The following KLHL1 variants were observed in gnomAD, a reference collection of about 807,000 sequenced individuals.
KLHL1 encodes the protein kelch-like protein 1.
KLHL1 carries 47 observed loss-of-function variants against 77.7 expected under a neutral mutation model. The ratio of observed to expected loss-of-function variants is 0.60; its 90% confidence interval spans 0.48 to 0.77. The LOEUF is 0.77. KLHL1 is among the 30% of genes least tolerant of loss of function. KLHL1 has a pLI of 0.00. For synonymous variants in KLHL1, 360 were observed against 325.2 expected (o/e 1.11, Z -1.15); for missense variants, 925 against 910.8 (o/e 1.02, Z -0.20).
intron 8 of KLHL1, among the ~76,000 whole-genome samples, chr13:69,733,621 T>C (rs1275388455): frequency 1.3e-5 from 2 of 152,176 alleles, no homozygotes; most frequent in Non-Finnish European, 2.9e-5. Context: ...TTTGATCACA[T>C]CAGTTCTTAG....
At chr13:69,837,129 C>G (rs1879028008) in intron 6 of KLHL1, among the ~76,000 whole-genome samples, 1 of 151,616 alleles carries the variant, frequency 6.6e-6, no homozygotes, top group South Asian at 2.1e-4. Flanking sequence ...ATTATAAATT[C>G]TTATATATTT....
At chr13:69,715,502 A>G (rs1167925487) in intron 9 of KLHL1, among the ~76,000 whole-genome samples, 1 of 134,152 alleles carries the variant, frequency 7.5e-6, no homozygotes, top group Non-Finnish European at 1.6e-5. Context: ...TAAATTACCC[A>G]GTCTAAGGCA....
intron 5 of KLHL1, among the ~76,000 whole-genome samples, chr13:69,841,401 T>C (rs939216908): frequency 6.6e-6 from 1 of 151,722 alleles, no homozygotes; most frequent in Non-Finnish European, 1.5e-5. Context: ...GCAGTGTTTC[T>C]TGTTTCTATA....
At chr13:70,066,751 C>A (rs901513670) in intron 1 of KLHL1, among the ~76,000 whole-genome samples, 5 of 152,188 alleles carry the variant, frequency 3.3e-5, no homozygotes, top group African/African-American at 1.2e-4. Context: ...ATTTGCCTAG[C>A]ACATCACAGC....
At chr13:69,974,571 A>G (rs1884488038) in intron 2 of KLHL1, among the ~76,000 whole-genome samples, 1 of 151,926 alleles carries the variant, frequency 6.6e-6, no homozygotes, top group Non-Finnish European at 1.5e-5. Context: ...TATAGGAAAC[A>G]CCCATCTTTT....
At chr13:69,714,933 T>A (rs902365427) in intron 9 of KLHL1, among the ~76,000 whole-genome samples, 3 of 152,126 alleles carry the variant, frequency 2.0e-5, no homozygotes, top group Non-Finnish European at 4.4e-5. Flanking sequence ...TTGTTTCATT[T>A]ATTCGTGCAT....
chr13:69,789,833 T>TTTTG (rs1232108576), intron 7 of KLHL1, among the ~76,000 whole-genome samples: 1 of 151,980 alleles, frequency 6.6e-6, no homozygotes, highest in Non-Finnish European at 1.5e-5. Flanking sequence ...GAAAGAAAGA[T>TTTTG]TTTGTTTTGT....
intron 1 of KLHL1, among the ~76,000 whole-genome samples, chr13:70,039,113 G>A (rs914875418): frequency 6.8e-6 from 1 of 146,120 alleles, no homozygotes; most frequent in Non-Finnish European, 1.5e-5. Context: ...CCAAGCTGGA[G>A]TACAGTTGCA....
chr13:69,956,057 ATT>A (rs1883869210), intron 3 of KLHL1, among the ~76,000 whole-genome samples: 1 of 133,624 alleles, frequency 7.5e-6, no homozygotes, highest in African/African-American at 2.8e-5. Flanking sequence ...TGATATATAT[ATT>A]TATATATTTA....
intron 5 of KLHL1, among the ~76,000 whole-genome samples, chr13:69,840,637 T>A (rs1437772262): frequency 6.6e-6 from 1 of 151,842 alleles, no homozygotes; most frequent in Non-Finnish European, 1.5e-5. Context: ...TGTTGTATAC[T>A]AATACCTTAG....
chr13:69,902,070 G>A (rs1376437912), intron 4 of KLHL1, among the ~76,000 whole-genome samples: 1 of 152,052 alleles, frequency 6.6e-6, no homozygotes, highest in African/African-American at 2.4e-5. Context: ...AGAGTGCTGG[G>A]ATTACAGGCG....
intron 6 of KLHL1, among the ~76,000 whole-genome samples, chr13:69,836,181 T>C (rs947084104): frequency 6.6e-6 from 1 of 152,058 alleles, no homozygotes; most frequent in African/African-American, 2.4e-5. Flanking sequence ...GACCTTGCAA[T>C]GCATGTGGGC....
Position 69,853,411 on chromosome 13 carries a change from C to T in KLHL1, c.1228-14249G>A, listed in dbSNP as rs554347217. Among the ~76,000 whole-genome samples the T allele has an allele frequency of 5.3e-5, 8 of 152,060 alleles. No homozygotes were observed. The South Asian group carries it at 1.7e-3, about 31-fold the overall frequency. On this transcript the variant is annotated intron_variant, in intron 5 of 10. Transcript: ENST00000377844. ...CTCCTTCCACCATGATTGTAAGTTT[C>T]CCGAGGCCTCCCCAGCCATGCTGAA...
In KLHL1 at chr13:69,719,473, T is replaced by C. The variant is rs1872938897; in HGVS notation, c.1911A>G (p.Arg637=). The C allele has an allele frequency of 1.2e-6, 2 of 1,613,328 alleles. No homozygotes were observed. ...WNMCAPMCKR[R]GGVGVATCDG... The stretch of plus-strand genomic sequence containing the variant: ...CACATGTGGCCACTCCGACACCCCC[T>C]CTCCTCTTACACATGGGAGCACACA... The change falls in exon 9 of 11, where the codon AGA becomes AGG. Residue 637 remains arginine, a synonymous_variant. Transcript: ENST00000377844.
At chr13:69,917,765 T>G (rs1882494800) in intron 4 of KLHL1, among the ~76,000 whole-genome samples, 1 of 152,158 alleles carries the variant, frequency 6.6e-6, no homozygotes, top group African/African-American at 2.4e-5. Context: ...TTTTTGAATT[T>G]TGGTATCACA....
chr13:69,752,775 A>G (rs1333571627), intron 7 of KLHL1, among the ~76,000 whole-genome samples: 2 of 152,180 alleles, frequency 1.3e-5, no homozygotes, highest in African/African-American at 4.8e-5. Flanking sequence ...ACTTGAGCGG[A>G]ACATAGAAAA....
chr13:69,996,909 A>ATTTTTTTTTTTT (rs1566484216), intron 1 of KLHL1, among the ~76,000 whole-genome samples: 2 of 106,656 alleles, frequency 1.9e-5, no homozygotes, highest in African/African-American at 3.8e-5. Flanking sequence ...TTATTCATTA[A>ATTTTTTTTTTTT]ATTTTTTTTT....
chr13:70,075,752 T>TAC (rs564867412), intron 1 of KLHL1, among the ~76,000 whole-genome samples: 3,825 of 75,524 alleles, frequency 0.051, 118 homozygotes, highest in African/African-American at 0.11. Flanking sequence ...TATACACACA[T>TAC]ACACACACAT....
intron 1 of KLHL1, among the ~76,000 whole-genome samples, chr13:70,078,902 C>T (rs1471864183): frequency 6.6e-6 from 1 of 152,100 alleles, no homozygotes; most frequent in Non-Finnish European, 1.5e-5. Flanking sequence ...ACTTAAACAA[C>T]TAGTCCTCTA....
Sources: gnomAD v4.1 joint callset for allele counts (sites outside exome capture counted in the v4.1 genomes callset) on GRCh38, gnomAD v4.1.1 for gene constraint, MANE v1.5 for transcripts, NCBI Gene and HGNC (gene_info 2026-07-23, HGNC 2026-07-21) for gene names.